Variants in CD300LF observed in about 807,000 individuals in gnomAD.
CD300LF encodes the protein CMRF35-like molecule 1.
In CD300LF, 27 loss-of-function variants were observed where a neutral mutation model predicts 32.2. That is an observed-to-expected ratio of 0.84 (90% CI 0.62 to 1.15). CD300LF has a LOEUF of 1.15. Among genes scored for constraint, CD300LF ranks in the 50% most tolerant of loss-of-function variants. CD300LF has a pLI of 0.00. For missense variants in CD300LF, 348 were observed against 356.8 expected, an observed-to-expected ratio of 0.98 and a Z score of 0.20; for synonymous variants, 139 against 143.2, an observed-to-expected ratio of 0.97 and a Z score of 0.21.
In CD300LF at chr17:74,695,052, G is replaced by A. The variant is rs753698206; in HGVS notation, c.*44C>T. On this transcript the variant is annotated 3_prime_UTR_variant, in exon 7 of 7. Coordinates refer to ENST00000326165, the MANE Select transcript of CD300LF (RefSeq NM_139018.5). Reference sequence around the variant, plus strand: ...GGGGCAGACGGTCGATGAGGCAGGAGTGTGCTCACAGCCTGGGGTCCAAGA... The same window carrying A: ...GGGGCAGACGGTCGATGAGGCAGGAATGTGCTCACAGCCTGGGGTCCAAGA... 6.3e-7 allele frequency: 1 copy of A among 1,589,124 alleles called. No homozygotes were observed. Among genetic ancestry groups the A allele is most frequent in the Admixed American group, 1.8e-5 (1 of 57,012 alleles).
At chr17:74,704,016 T>C (rs2033296328) in intron 2 of CD300LF, among the ~76,000 whole-genome samples, 1 of 152,226 alleles carries the variant, frequency 6.6e-6, no homozygotes, top group African/African-American at 2.4e-5. Flanking sequence ...ACCCCGACTA[T>C]GCTGAGCCTC....
intron 3 of CD300LF, chr17:74,698,726 G>A: frequency 2.1e-6 from 2 of 937,416 alleles, no homozygotes; most frequent in African/African-American, 3.3e-5. Context: ...GTGGGAGGAA[G>A]CAAAGAATCA....
chr17:74,697,826 T>C (rs2143607019), intron 4 of CD300LF, among the ~76,000 whole-genome samples: 1 of 152,272 alleles, frequency 6.6e-6, no homozygotes, highest in Admixed American at 6.5e-5. Context: ...CCATTCCAAT[T>C]TCCTGATCAG....
chr17:74,708,505 A>T (rs930883324), intron 1 of CD300LF, among the ~76,000 whole-genome samples: 1 of 152,260 alleles, frequency 6.6e-6, no homozygotes, highest in African/African-American at 2.4e-5. Context: ...ATTAACATAA[A>T]TGCAAAAACC....
chr17:74,700,445 C>A (rs2032943093), intron 3 of CD300LF, among the ~76,000 whole-genome samples: 3 of 152,120 alleles, frequency 2.0e-5, no homozygotes, highest in African/African-American at 7.2e-5. Flanking sequence ...CCAGTCTTTG[C>A]TCAAGAATCA....
In CD300LF at chr17:74,704,759, C is replaced by A. The variant is rs146550147; in HGVS notation, c.101G>T (p.Gly34Val). ...GTAAACACACTGCACGGTCAAGGAG[C>A]CCCGCTCCAAGCCATTCACTGTTGT... is the stretch of plus-strand genomic sequence containing the variant. ...GPTTVNGLER[G>V]SLTVQCVYRS... Residue 34 changes from glycine to valine, a missense_variant, in exon 2 of 7, where the codon GGC (glycine) becomes GTC (valine). Gly to Val is a moderately radical substitution (Grantham distance 109). Transcript: ENST00000326165. The A allele has an allele frequency of 8.5e-5, 137 of 1,614,034 alleles. No homozygotes were observed. Among genetic ancestry groups the A allele is most frequent in the Non-Finnish European group, 1.1e-4 (127 of 1,180,040 alleles).
intron 3 of CD300LF, 52 bp downstream of exon 3, chr17:74,702,983 C>G: frequency 7.0e-7 from 1 of 1,419,010 alleles, no homozygotes; most frequent in South Asian, 1.1e-5. Context: ...AAGAGTTCTC[C>G]ATTGGAGGAG....
intron 1 of CD300LF, among the ~76,000 whole-genome samples, chr17:74,711,899 C>CTT (rs2033989436): frequency 7.0e-6 from 1 of 143,554 alleles, no homozygotes; most frequent in African/African-American, 2.6e-5. Context: ...TTTCTTTTTT[C>CTT]TTTTTTCTTT....
intron 6 of CD300LF, 117 bp downstream of exon 6, chr17:74,695,608 C>T (rs899313760): frequency 1.0e-5 from 15 of 1,454,924 alleles, no homozygotes; most frequent in Middle Eastern, 2.3e-4. Context: ...GGCTTTGCCC[C>T]ACACCTGCCT....
chr17:74,710,587 G>A (rs1353013058), intron 1 of CD300LF, among the ~76,000 whole-genome samples: 6 of 151,938 alleles, frequency 3.9e-5, no homozygotes, highest in East Asian at 1.9e-4. Context: ...GGCTGGGCGC[G>A]GTGGCTCACG....
chr17:74,711,373 G>C (rs550975812), intron 1 of CD300LF, among the ~76,000 whole-genome samples: 1 of 152,262 alleles, frequency 6.6e-6, no homozygotes, highest in African/African-American at 2.4e-5. Flanking sequence ...AAAAAAAGCA[G>C]CCATACCTGT....
chr17:74,698,957 C>T (rs1468531131), intron 3 of CD300LF, among the ~76,000 whole-genome samples: 2 of 152,182 alleles, frequency 1.3e-5, no homozygotes, highest in Non-Finnish European at 2.9e-5. Context: ...CTTGCTCTGT[C>T]ACCCAGGCTG....
chr17:74,708,533 A>C (rs2033694637), intron 1 of CD300LF, among the ~76,000 whole-genome samples: 1 of 152,252 alleles, frequency 6.6e-6, no homozygotes, highest in Non-Finnish European at 1.5e-5. Flanking sequence ...AAAGATCAGC[A>C]TACGGAATCT....
At chr17:74,708,476 T>C (rs559360908) in intron 1 of CD300LF, among the ~76,000 whole-genome samples, 59 of 152,280 alleles carry the variant, frequency 3.9e-4, no homozygotes, top group Admixed American at 7.2e-4. Context: ...CAAGAAAGTA[T>C]TGTAGGCAAA....
At chr17:74,695,545 C>T (rs775077035) in intron 6 of CD300LF, among the ~76,000 whole-genome samples, 180 bp downstream of exon 6, 4 of 152,186 alleles carry the variant, frequency 2.6e-5, no homozygotes, top group African/African-American at 4.8e-5. Context: ...CCCTGTGTCC[C>T]CAGGACTGAG....
At position 74,695,246 on chromosome 17, in the gene CD300LF, G is replaced by A. The variant is rs749373146; in HGVS notation, c.723C>T (p.Ser241=). 4 of 1,613,994 alleles carry A rather than the reference G, an allele frequency of 2.5e-6. No homozygotes were observed. In the East Asian group the frequency reaches 8.9e-5, roughly 36 times the overall value. ...CATAGGAAATGTCCTCCTTCGGCAA[G>A]GAAGCCTGCAGCAAAGGCGGGCTCC... is the stretch of plus-strand genomic sequence containing the variant. ...QVEVEYVTMA[S]LPKEDISYAS... is the part of the protein sequence containing the mutation. Residue 241 remains serine (S), a synonymous_variant, in exon 7 of 7, where the codon TCC becomes TCT. Coordinates refer to ENST00000326165, the MANE Select transcript of CD300LF (RefSeq NM_139018.5).
intron 1 of CD300LF, among the ~76,000 whole-genome samples, chr17:74,705,985 A>G (rs893137089): frequency 6.6e-6 from 1 of 152,216 alleles, no homozygotes; most frequent in Non-Finnish European, 1.5e-5. Context: ...AAGTGAATTA[A>G]CGCAGAAACA....
rs2032720412 is a variant in CD300LF, at chr17:74,698,427, C to T, written c.501G>A (p.Leu167=). 2 of 1,614,056 alleles carry T rather than the reference C, an allele frequency of 1.2e-6. No individual in the cohort carries two copies. Among genetic ancestry groups the T allele is most frequent in the Non-Finnish European group, 1.7e-6 (2 of 1,180,008 alleles). ...AGAGTGAGGCGGCCACCAAAAGCAG[C>T]AGCAATATGGTGAAGATGAGGGGCA... ...VLLPLIFTIL[L]LLLVAASLLA... Residue 167 remains leucine, a synonymous_variant, in exon 4 of 7, where the codon CTG becomes CTA. Coordinates refer to ENST00000326165, the MANE Select transcript of CD300LF (RefSeq NM_139018.5).
Position 74,704,149 on chromosome 17 carries a change from G to A in CD300LF, c.382+329C>T, listed in dbSNP as rs114679434. 4.5e-3 allele frequency among the ~76,000 whole-genome samples: 681 copies of A among 152,326 alleles called. 6 individuals carry two copies. Among genetic ancestry groups the A allele is most frequent in the African/African-American group, 0.015 (642 of 41,564 alleles). On this transcript the variant is annotated intron_variant, in intron 2 of 6. Coordinates refer to ENST00000326165, the MANE Select transcript of CD300LF (RefSeq NM_139018.5). Reference sequence around the variant, plus strand: ...GAGGTCTCCAAAAAGCAATGGCAAGGACTGGGGTCTCTGGGTACCATGGGA... The same window carrying A: ...GAGGTCTCCAAAAAGCAATGGCAAGAACTGGGGTCTCTGGGTACCATGGGA...
Sources: allele counts gnomAD v4.1 joint callset (sites outside exome capture counted in the v4.1 genomes callset), GRCh38; gene constraint gnomAD v4.1.1; transcripts MANE v1.5; gene names NCBI Gene and HGNC (gene_info 2026-07-23, HGNC 2026-07-21).